Variants in CTNNA1 observed in about 807,000 individuals in gnomAD.
The protein encoded by CTNNA1 is catenin alpha 1.
CTNNA1 carries 37 observed loss-of-function variants against 98.4 expected under a neutral mutation model. The observed-to-expected ratio is 0.38, with a 90% CI of 0.29 to 0.49. CTNNA1 has a LOEUF of 0.49. Ranked by LOEUF, CTNNA1 falls within the 20% of genes least tolerant of loss-of-function variation. The pLI, the probability that CTNNA1 is intolerant of heterozygous loss-of-function variation, is 0.95. For synonymous variants in CTNNA1, 404 were observed against 413.2 expected, an observed-to-expected ratio of 0.98 and a Z score of 0.27; for missense variants, 761 against 1,147.2, an observed-to-expected ratio of 0.66 and a Z score of 4.86.
chr5:138,896,430 G>A (rs1315226116), intron 9 of CTNNA1, among the ~76,000 whole-genome samples: 1 of 152,160 alleles, frequency 6.6e-6, no homozygotes, highest in African/African-American at 2.4e-5. Context: ...TATTCGCCAT[G>A]AGATCTCTCT....
intron 9 of CTNNA1, among the ~76,000 whole-genome samples, chr5:138,895,306 C>T (rs1255485962): frequency 1.3e-5 from 2 of 152,146 alleles, no homozygotes; most frequent in East Asian, 1.9e-4. Context: ...TATGACTGAT[C>T]GTCCTTGTTA....
chr5:138,829,888 A>G (rs1259924278), intron 7 of CTNNA1, among the ~76,000 whole-genome samples: 2 of 152,070 alleles, frequency 1.3e-5, no homozygotes, highest in East Asian at 3.9e-4. Flanking sequence ...AGTCTCTACT[A>G]AAAATACAGA....
At chr5:138,770,695 T>G (rs2693962) in intron 1 of CTNNA1, among the ~76,000 whole-genome samples, 112,778 of 152,070 alleles carry the variant, frequency 0.74, 42,071 homozygotes, top group East Asian at 0.99. Context: ...GCTCATGCCT[T>G]TAATCCCAGC....
intron 14 of CTNNA1, 116 bp downstream of exon 14, chr5:138,929,472 C>G (rs1038006646): frequency 3.2e-6 from 2 of 625,906 alleles, no homozygotes; most frequent in Non-Finnish European, 5.7e-6. Flanking sequence ...CTCTCTGTCT[C>G]TCTGGCAGTA....
chr5:138,791,615 C>CAAA (rs1181055311), intron 3 of CTNNA1, among the ~76,000 whole-genome samples: 21,139 of 40,192 alleles, frequency 0.53, 7,662 homozygotes, highest in East Asian at 0.82. Context: ...GACTCCGTCT[C>CAAA]AAAAAAAAAA....
At chr5:138,912,601 A>G (rs1326338961) in intron 10 of CTNNA1, among the ~76,000 whole-genome samples, 1 of 152,208 alleles carries the variant, frequency 6.6e-6, no homozygotes, top group Non-Finnish European at 1.5e-5. Flanking sequence ...TATGATCAGA[A>G]ATAGGACAAG....
intron 7 of CTNNA1, among the ~76,000 whole-genome samples, chr5:138,854,862 T>C (rs1259933253): frequency 2.0e-5 from 3 of 152,204 alleles, no homozygotes; most frequent in Non-Finnish European, 4.4e-5. Context: ...TGAGTGATTC[T>C]CCTCCCAGCA....
chr5:138,822,860 A>C (rs1446484445), intron 5 of CTNNA1, among the ~76,000 whole-genome samples: 1 of 152,220 alleles, frequency 6.6e-6, no homozygotes, highest in Non-Finnish European at 1.5e-5. Context: ...ACTGAGATGA[A>C]GTTTCAGAAA....
chr5:138,866,537 T>C (rs1201575941), intron 7 of CTNNA1, among the ~76,000 whole-genome samples: 1 of 152,194 alleles, frequency 6.6e-6, no homozygotes, highest in Non-Finnish European at 1.5e-5. Context: ...GCATGAACCA[T>C]TGGCCTCTGC....
chr5:138,826,227 G>T (rs1760705947), intron 6 of CTNNA1, among the ~76,000 whole-genome samples: 1 of 152,166 alleles, frequency 6.6e-6, no homozygotes, highest in African/African-American at 2.4e-5. Flanking sequence ...GAAAACTGAG[G>T]GTTCTTTGGA....
chr5:138,766,364 T>C (rs1327887972), intron 1 of CTNNA1, among the ~76,000 whole-genome samples: 1 of 151,886 alleles, frequency 6.6e-6, no homozygotes, highest in Non-Finnish European at 1.5e-5. Context: ...TGGAGACAGG[T>C]GATAAGGCTG....
intron 1 of CTNNA1, chr5:138,761,944 CAG>C (rs975935763): frequency 2.6e-5 from 4 of 152,162 alleles, no homozygotes; most frequent in East Asian, 1.9e-4. Context: ...TCTGTAGAGA[CAG>C]AGTTTCACCG....
intron 13 of CTNNA1, among the ~76,000 whole-genome samples, chr5:138,928,626 A>C (rs935265097): frequency 2.6e-5 from 4 of 152,194 alleles, no homozygotes; most frequent in African/African-American, 9.6e-5. Context: ...TTGGGGAAGT[A>C]AATTAGGAAG....
At chr5:138,839,619 A>G (rs1762102444) in intron 7 of CTNNA1, among the ~76,000 whole-genome samples, 1 of 152,310 alleles carries the variant, frequency 6.6e-6, no homozygotes, top group Non-Finnish European at 1.5e-5. Flanking sequence ...TCTAAGAATT[A>G]CTGAGATAAG....
Position 138,813,569 on chromosome 5 carries a change from G to A in CTNNA1, c.588+1267G>A, listed in dbSNP as rs139671681. ...TAGGGAATGGATTTGGGTAGGCAAC[G>A]TGCTATGACTGCTATAGACTTTTTT... On this transcript the variant is annotated intron_variant, in intron 5 of 17. Coordinates refer to ENST00000302763, the MANE Select transcript of CTNNA1 (RefSeq NM_001903.5). Among the ~76,000 whole-genome samples, 26 of 152,296 alleles carry A rather than the reference G, an allele frequency of 1.7e-4. No homozygotes were observed. The East Asian group carries it at 4.8e-3, about 28-fold the overall frequency.
At chr5:138,879,437 CTTCT>C (rs1752412371) in intron 7 of CTNNA1, among the ~76,000 whole-genome samples, 1 of 152,052 alleles carries the variant, frequency 6.6e-6, no homozygotes, top group South Asian at 2.1e-4. Context: ...CCATCCCTTC[CTTCT>C]GTTGATTTTA....
intron 7 of CTNNA1, among the ~76,000 whole-genome samples, chr5:138,831,830 T>G (rs1761302731): frequency 6.6e-6 from 1 of 152,212 alleles, no homozygotes; most frequent in Admixed American, 6.5e-5. Context: ...CAAGAGGTGC[T>G]CAGTAAATGC....
chr5:138,921,429 C>T (rs1762893304), intron 11 of CTNNA1, among the ~76,000 whole-genome samples: 1 of 152,042 alleles, frequency 6.6e-6, no homozygotes, highest in African/African-American at 2.4e-5. Flanking sequence ...GTAATTTGTA[C>T]TTTCCTTCAT....
rs1751006457 is a variant in CTNNA1, at chr5:138,874,126, C to A, written c.1063-12086C>A. The stretch of plus-strand genomic sequence containing the variant: ...AGAAGAGCTCTGGGTGCAGAGATGA[C>A]AGCTGATTAAAAGACAGGTCCAAAT... On this transcript the variant is annotated intron_variant, in intron 7 of 17. Coordinates refer to ENST00000302763, the MANE Select transcript of CTNNA1 (RefSeq NM_001903.5). This position sits in a 1 kb window ranked among gnomAD's most constrained non-coding sequence, Gnocchi z 4.1. The A allele has an allele frequency of 1.9e-6, 3 of 1,613,576 alleles. No individual in the cohort carries two copies. The highest frequency in any genetic ancestry group is 2.5e-6 in the Non-Finnish European group (3 of 1,179,716).
Sources: allele counts gnomAD v4.1 joint callset (sites outside exome capture counted in the v4.1 genomes callset), GRCh38; gene constraint gnomAD v4.1.1; non-coding constraint Gnocchi (gnomAD v3.1); transcripts MANE v1.5; gene names NCBI Gene and HGNC (gene_info 2026-07-23, HGNC 2026-07-21).